Variants in PPP1R12A observed in about 807,000 individuals in gnomAD.
PPP1R12A encodes myosin binding subunit.
A neutral mutation model predicts 139.6 loss-of-function variants in PPP1R12A; 19 were observed. That is an observed-to-expected ratio of 0.14 (90% CI 0.09 to 0.20). The LOEUF is 0.20. PPP1R12A is among the 10% of genes least tolerant of loss of function. PPP1R12A has a pLI of 1.00. For missense variants in PPP1R12A, 925 were observed against 1,211.5 expected (o/e 0.76, Z 3.51); for synonymous variants, 427 against 420.6 (o/e 1.02, Z -0.19).
At chr12:79,903,343 C>T (rs1385991093) in intron 1 of PPP1R12A, among the ~76,000 whole-genome samples, 3 of 151,364 alleles carry the variant, frequency 2.0e-5, no homozygotes, top group East Asian at 1.9e-4. Flanking sequence ...CCCAGCTACT[C>T]GGGAGGCTGA....
chr12:79,813,122 G>A (rs1475259983), intron 9 of PPP1R12A, among the ~76,000 whole-genome samples: 2 of 152,138 alleles, frequency 1.3e-5, no homozygotes, highest in African/African-American at 4.8e-5. Flanking sequence ...TTATAAAAGT[G>A]TTATCCTACA....
chr12:79,814,170 A>G lies in PPP1R12A; in HGVS notation c.1239+3224T>C, dbSNP rs1286731426. 2.0e-5 allele frequency among the ~76,000 whole-genome samples: 3 copies of G among 152,146 alleles called. No individual in the cohort carries two copies. In the East Asian group the frequency reaches 5.8e-4, roughly 29 times the overall value. On this transcript the variant is annotated intron_variant, in intron 9 of 24. Coordinates refer to ENST00000450142, the MANE Select transcript of PPP1R12A (RefSeq NM_002480.3). ...AAATAACAGGTTTTAAAAGTCATAC[A>G]GTATTGATAAGAAGACTCCCTCTTC... is the stretch of plus-strand genomic sequence containing the variant.
At chr12:79,778,661 T>C in intron 23 of PPP1R12A, 61 bp from the exon 24 acceptor site, 1 of 1,150,010 alleles carries the variant, frequency 8.7e-7, no homozygotes, top group Non-Finnish European at 1.2e-6. Flanking sequence ...AGTCTTCTTC[T>C]ATACTGTGAA....
chr12:79,843,548 G>A (rs1879004061), intron 3 of PPP1R12A, among the ~76,000 whole-genome samples: 1 of 151,444 alleles, frequency 6.6e-6, no homozygotes, highest in Non-Finnish European at 1.5e-5. Flanking sequence ...AGGTTGCAGC[G>A]AACCCAGATT....
intron 1 of PPP1R12A, among the ~76,000 whole-genome samples, chr12:79,917,345 C>T (rs756840777): frequency 6.6e-6 from 1 of 151,822 alleles, no homozygotes; most frequent in African/African-American, 2.4e-5. Flanking sequence ...AATAGCTGGG[C>T]GTGGTGGCAC....
intron 1 of PPP1R12A, among the ~76,000 whole-genome samples, chr12:79,890,638 C>T (rs909488646): frequency 3.9e-5 from 6 of 152,016 alleles, no homozygotes; most frequent in African/African-American, 1.5e-4. Context: ...TGAAAAGATG[C>T]TTTCTAATTA....
chr12:79,892,040 GTAATC>G (rs1186400688), intron 1 of PPP1R12A, among the ~76,000 whole-genome samples: 1 of 152,148 alleles, frequency 6.6e-6, no homozygotes, highest in Non-Finnish European at 1.5e-5. Context: ...AAGTTTGGGG[GTAATC>G]TACTATGCAG....
intron 2 of PPP1R12A, chr12:79,848,938 G>C (rs926034124): frequency 1.1e-4 from 16 of 151,780 alleles, no homozygotes; most frequent in African/African-American, 3.9e-4. Context: ...ACACCTGTGT[G>C]ACATTCAAAG....
chr12:79,870,804 T>C (rs1222037958), intron 2 of PPP1R12A, among the ~76,000 whole-genome samples: 1 of 152,214 alleles, frequency 6.6e-6, no homozygotes, highest in Non-Finnish European at 1.5e-5. Flanking sequence ...ACTTCTTATA[T>C]ACTAGCATGT....
chr12:79,827,374 A>T (rs1208931074), intron 5 of PPP1R12A, among the ~76,000 whole-genome samples: 1 of 152,180 alleles, frequency 6.6e-6, no homozygotes, highest in East Asian at 1.9e-4. Context: ...CAAAAACAGC[A>T]AAAGAATTAG....
At chr12:79,782,806 T>G (rs1364443272) in intron 22 of PPP1R12A, among the ~76,000 whole-genome samples, 1 of 152,230 alleles carries the variant, frequency 6.6e-6, no homozygotes, top group East Asian at 1.9e-4. Context: ...TTTGACCACT[T>G]TAACAAGAAT....
intron 3 of PPP1R12A, among the ~76,000 whole-genome samples, chr12:79,842,011 G>GT (rs35117494): frequency 2.3e-3 from 346 of 149,720 alleles, no homozygotes; most frequent in South Asian, 6.4e-3. Context: ...GCTTAAGATA[G>GT]TTTTTTTTTT....
intron 4 of PPP1R12A, among the ~76,000 whole-genome samples, chr12:79,830,500 C>G (rs1294354837): frequency 6.6e-6 from 1 of 152,104 alleles, no homozygotes; most frequent in Non-Finnish European, 1.5e-5. Context: ...TGTAAAAAAA[C>G]AAATTCCTAG....
intron 1 of PPP1R12A, among the ~76,000 whole-genome samples, chr12:79,910,470 CAAATAAATAAAT>C (rs10583469): frequency 2.7e-5 from 4 of 149,086 alleles, no homozygotes; most frequent in South Asian, 2.1e-4. Context: ...ACGACTCCGT[CAAATAAATAAAT>C]AAATAAATAA....
rs1888564209 is a variant in PPP1R12A at position 79,935,052 on chromosome 12, G to C, written c.-121C>G. ...TGAGTGCGGGCCAGAGGAGGGCTGG[G>C]AACCCGGAGCCGACGCTCGAGACTT... On this transcript the variant is annotated 5_prime_UTR_variant, in exon 1 of 25. Coordinates refer to ENST00000450142, the MANE Select transcript of PPP1R12A (RefSeq NM_002480.3). 3 of 1,409,100 alleles carry C rather than the reference G, an allele frequency of 2.1e-6. No homozygotes were observed. The highest frequency in any genetic ancestry group is 2.9e-5 in the African/African-American group (2 of 68,606). 87.3% of individuals were successfully genotyped at this position (1,409,100 alleles called of 1,614,324 possible).
At chr12:79,802,422 T>C (rs1873299949) in intron 14 of PPP1R12A, among the ~76,000 whole-genome samples, 1 of 152,154 alleles carries the variant, frequency 6.6e-6, no homozygotes, top group Non-Finnish European at 1.5e-5. Flanking sequence ...TTTGGACTTC[T>C]ACCAAAGGAA....
At chr12:79,836,407 A>G (rs560966385) in intron 3 of PPP1R12A, among the ~76,000 whole-genome samples, 1 of 151,980 alleles carries the variant, frequency 6.6e-6, no homozygotes, top group South Asian at 2.1e-4. Flanking sequence ...TCTGATTTTT[A>G]TTGTCTTTTA....
chr12:79,820,340 G>A (rs928770427), intron 8 of PPP1R12A, among the ~76,000 whole-genome samples: 21 of 152,156 alleles, frequency 1.4e-4, no homozygotes, highest in African/African-American at 5.1e-4. Flanking sequence ...TCAAAACAAA[G>A]CAAATTCCCC....
intron 14 of PPP1R12A, among the ~76,000 whole-genome samples, chr12:79,804,014 A>G (rs1873517529): frequency 6.6e-6 from 1 of 152,144 alleles, no homozygotes; most frequent in South Asian, 2.1e-4. Flanking sequence ...CTGAATCTCT[A>G]TGCTAGAGAT....
Sources: gnomAD v4.1 joint callset for allele counts (sites outside exome capture counted in the v4.1 genomes callset) on GRCh38, gnomAD v4.1.1 for gene constraint, MANE v1.5 for transcripts, NCBI Gene and HGNC (gene_info 2026-07-23, HGNC 2026-07-21) for gene names.